Variants in HDAC9 observed in about 807,000 individuals in gnomAD.
HDAC9 encodes the protein MEF-2 interacting transcription repressor (MITR) protein.
Under a neutral mutation model 139.4 loss-of-function variants are expected in HDAC9, and 41 were observed. That is an observed-to-expected ratio of 0.29 (90% confidence interval 0.23 to 0.38). HDAC9 has a LOEUF of 0.38. Among genes scored for constraint, HDAC9 ranks in the 10% least tolerant of loss-of-function variants. HDAC9 has a pLI of 1.00. For missense variants in HDAC9, 1,147 were observed against 1,297.0 expected, an observed-to-expected ratio of 0.88 and a Z score of 1.78; for synonymous variants, 517 against 476.2, an observed-to-expected ratio of 1.09 and a Z score of -1.12.
intron 2 of HDAC9, among the ~76,000 whole-genome samples, chr7:18,255,890 G>A (rs1158563126): frequency 6.6e-6 from 1 of 152,100 alleles, no homozygotes; most frequent in Non-Finnish European, 1.5e-5. Flanking sequence ...GCCTCCCAAA[G>A]TGTTGGGATT....
At chr7:18,407,587 C>T (rs1041886677) in intron 1 of HDAC9, among the ~76,000 whole-genome samples, 18 of 152,120 alleles carry the variant, frequency 1.2e-4, no homozygotes, top group Non-Finnish European at 1.5e-5. Flanking sequence ...ATTGTTCACA[C>T]AGTCTCTAGC....
In HDAC9 at chr7:18,249,073, A is replaced by G. The variant is rs150008362; in HGVS notation, c.25+86724A>G. On this transcript the variant is annotated intron_variant, in intron 2 of 12. Transcript: ENST00000417496. ...ATACAGTTGAGGACAGTGCTATTAT[A>G]CCAGTTTTCCCAAAGCTCATAAAAA... Among the ~76,000 whole-genome samples, 1,016 of 152,268 alleles carry G rather than the reference A, an allele frequency of 6.7e-3. 5 individuals are homozygous for G. The highest frequency in any genetic ancestry group is 8.5e-3 in the Non-Finnish European group (581 of 68,014).
chr7:18,242,544 G>A (rs1794254331), intron 2 of HDAC9, among the ~76,000 whole-genome samples: 1 of 152,134 alleles, frequency 6.6e-6, no homozygotes, highest in Admixed American at 6.5e-5. Context: ...TTTTGAGAAA[G>A]TGAAGCATAT....
At chr7:18,229,003 C>A (rs982889027) in intron 2 of HDAC9, among the ~76,000 whole-genome samples, 1 of 152,098 alleles carries the variant, frequency 6.6e-6, no homozygotes, top group Non-Finnish European at 1.5e-5. Context: ...TGTGCAGTTT[C>A]ATGGGGCCCT....
intron 2 of HDAC9, among the ~76,000 whole-genome samples, chr7:18,178,503 G>A (rs950890362): frequency 6.6e-6 from 1 of 152,178 alleles, no homozygotes; most frequent in South Asian, 2.1e-4. Context: ...AAGTTGCTAA[G>A]TTTGGCTCTT....
rs1371554683 is a variant in HDAC9 at position 18,874,280 on chromosome 7, G to A, written c.2685-198G>A. 2.0e-5 allele frequency among the ~76,000 whole-genome samples: 3 copies of A among 150,182 alleles called. No individual in the cohort carries two copies. The Admixed American group carries it at 2.0e-4, about 10-fold the overall frequency. On this transcript the variant is annotated intron_variant, in intron 21 of 25. Coordinates refer to ENST00000686413, the MANE Select transcript of HDAC9 (RefSeq NM_178425.4). ...GGAGGAAAAAAGATGAACCAAAAAA[G>A]ACTGAATTGGGATGCTAAAATAACA... is the stretch of plus-strand genomic sequence containing the variant.
intron 22 of HDAC9, among the ~76,000 whole-genome samples, chr7:18,891,080 C>A (rs1278181923): frequency 6.6e-6 from 1 of 152,178 alleles, no homozygotes; most frequent in Non-Finnish European, 1.5e-5. Context: ...TCAGAATGAG[C>A]TGCCAGCTCT....
At position 18,866,923 on chromosome 7, in the gene HDAC9, A is replaced by T. The variant is rs377369333; in HGVS notation, c.2685-7555A>T. On this transcript the variant is annotated intron_variant, in intron 21 of 25. Transcript: ENST00000686413. ...CCAATTGTTTGGCCATTGACTAGAG[A>T]TGAAATAGTTCCAGAAATCTGATTC... is the stretch of plus-strand genomic sequence containing the variant. Among the ~76,000 whole-genome samples the T allele has an allele frequency of 4.5e-4, 69 of 152,338 alleles. 1 individual carries two copies. Among genetic ancestry groups the T allele is most frequent in the African/African-American group, 1.6e-3 (66 of 41,594 alleles).
chr7:18,598,249 A>G (rs1833002289), intron 6 of HDAC9, among the ~76,000 whole-genome samples: 1 of 152,140 alleles, frequency 6.6e-6, no homozygotes, highest in African/African-American at 2.4e-5. Flanking sequence ...TAGGCTTATA[A>G]CGATATTTGC....
chr7:18,373,582 A>G (rs556444147), intron 1 of HDAC9, among the ~76,000 whole-genome samples: 3 of 152,282 alleles, frequency 2.0e-5, no homozygotes, highest in East Asian at 1.9e-4. Flanking sequence ...ACATTTTTCT[A>G]CTTTAATGGG....
At chr7:18,785,214 G>A (rs1489919687) in intron 16 of HDAC9, among the ~76,000 whole-genome samples, 3 of 151,934 alleles carry the variant, frequency 2.0e-5, no homozygotes, top group African/African-American at 7.3e-5. Context: ...GAAACCAAGG[G>A]CAGAACAATG....
intron 1 of HDAC9, among the ~76,000 whole-genome samples, chr7:18,330,329 T>C (rs114538414): frequency 0.01 from 1,539 of 151,598 alleles, 28 homozygotes; most frequent in African/African-American, 0.035. Flanking sequence ...ACTTGTTAGT[T>C]CACATTTAGT....
rs1282523673 is a variant in HDAC9 at position 18,598,735 on chromosome 7, T to C, written c.664+4706T>C. Among the ~76,000 whole-genome samples, 6 of 152,242 alleles carry C rather than the reference T, an allele frequency of 3.9e-5. No individual in the cohort carries two copies. In the East Asian group the frequency reaches 1.2e-3, roughly 29 times the overall value. ...AGAAGGTCTTTTTAATGTCTTACATTCTTCTACCTTTATTAATAGAACAAC... is the reference window on the plus strand; with the variant it reads ...AGAAGGTCTTTTTAATGTCTTACATCCTTCTACCTTTATTAATAGAACAAC... On this transcript the variant is annotated intron_variant, in intron 6 of 25. Transcript: ENST00000686413.
chr7:18,287,753 G>A (rs947904281), upstream of HDAC9, among the ~76,000 whole-genome samples: 2 of 152,212 alleles, frequency 1.3e-5, no homozygotes, highest in South Asian at 2.1e-4. Context: ...AGTTTGTCTA[G>A]GGTAGTGCTT....
At chr7:18,974,854 A>G (rs1219241758) in intron 24 of HDAC9, among the ~76,000 whole-genome samples, 1 of 152,188 alleles carries the variant, frequency 6.6e-6, no homozygotes, top group Non-Finnish European at 1.5e-5. Flanking sequence ...GAACCCTGTT[A>G]TCTTACTGCC....
chr7:18,387,349 A>G (rs1786036359), intron 1 of HDAC9, among the ~76,000 whole-genome samples: 1 of 152,236 alleles, frequency 6.6e-6, no homozygotes, highest in Non-Finnish European at 1.5e-5. Flanking sequence ...TGCTGGATTC[A>G]TAATCCTGCC....
intron 1 of HDAC9, among the ~76,000 whole-genome samples, chr7:18,433,987 C>T (rs956931502): frequency 1.6e-4 from 25 of 152,146 alleles, no homozygotes; most frequent in African/African-American, 5.3e-4. Flanking sequence ...AAGAACTAAG[C>T]TGAAAGCATC....
chr7:18,512,703 T>C (rs1801918782), intron 2 of HDAC9, among the ~76,000 whole-genome samples: 1 of 152,230 alleles, frequency 6.6e-6, no homozygotes, highest in Non-Finnish European at 1.5e-5. Context: ...ACCTCATACA[T>C]AGTCTGCTGT....
At chr7:18,805,284 T>C (rs2129185857) in intron 17 of HDAC9, among the ~76,000 whole-genome samples, 1 of 152,268 alleles carries the variant, frequency 6.6e-6, no homozygotes, top group African/African-American at 2.4e-5. Context: ...CTATAGGAAT[T>C]TGTAGGTTCA....
Sources: gnomAD v4.1 joint callset for allele counts (sites outside exome capture counted in the v4.1 genomes callset) on GRCh38, gnomAD v4.1.1 for gene constraint, MANE v1.5 for transcripts, NCBI Gene and HGNC (gene_info 2026-07-23, HGNC 2026-07-21) for gene names.